The following MYOF variants were observed in gnomAD, a reference collection of about 807,000 sequenced individuals.
MYOF encodes fer-1-like 3, myoferlin.
A neutral mutation model predicts 284.2 loss-of-function variants in MYOF; 244 were observed. The ratio of observed to expected loss-of-function variants is 0.86; its 90% confidence interval spans 0.77 to 0.95. The LOEUF is 0.95. MYOF is among the 40% of genes least tolerant of loss of function. The pLI is 0.00. For synonymous variants in MYOF, 904 were observed against 919.7 expected, an observed-to-expected ratio of 0.98 and a Z score of 0.31; for missense variants, 2,496 against 2,560.6, an observed-to-expected ratio of 0.97 and a Z score of 0.54.
intron 39 of MYOF, among the ~76,000 whole-genome samples, chr10:93,339,081 C>T (rs1389520789): frequency 1.4e-5 from 2 of 146,144 alleles, no homozygotes; most frequent in African/African-American, 5.1e-5. Context: ...GTCATGATCT[C>T]AGCTCACTGC....
Position 93,307,009 on chromosome 10 carries a change from G to A in MYOF, c.6148-8C>T. 1 of 1,610,330 alleles carries A rather than the reference G, an allele frequency of 6.2e-7. No homozygotes were observed. Among genetic ancestry groups the A allele is most frequent in the Middle Eastern group, 1.7e-4 (1 of 6,048 alleles). On this transcript the variant is annotated splice_polypyrimidine_tract_variant and splice_region_variant and intron_variant, in intron 53 of 53. Transcript: ENST00000359263. Reference sequence around the variant, plus strand: ...CTTCATTGACAAATAGTTCTGGAAAGGAAACAAAAACAGTGGTAAAAAAAC... The same window carrying A: ...CTTCATTGACAAATAGTTCTGGAAAAGAAACAAAAACAGTGGTAAAAAAAC...
intron 37 of MYOF, among the ~76,000 whole-genome samples, chr10:93,345,584 C>T (rs1028218239): frequency 1.3e-5 from 2 of 152,220 alleles, no homozygotes; most frequent in Non-Finnish European, 2.9e-5. Flanking sequence ...CCCTGCAGAT[C>T]CTGACAAGTC....
chr10:93,327,749 A>G lies in MYOF; in HGVS notation c.5131+1014T>C, dbSNP rs557337038. On this transcript the variant is annotated intron_variant, in intron 45 of 53. Coordinates refer to ENST00000359263, the MANE Select transcript of MYOF (RefSeq NM_013451.4). ...CCTCTTTAAAATGGAAAGACAAAAC[A>G]TAAGTTTTTTTGTTTGTTTGTTTTT... Among the ~76,000 whole-genome samples, 14 of 152,088 alleles carry G rather than the reference A, an allele frequency of 9.2e-5. 1 individual carries two copies. Among genetic ancestry groups the G allele is most frequent in the African/African-American group, 2.2e-4 (9 of 41,410 alleles).
At chr10:93,358,300 C>T (rs1844905872) in intron 29 of MYOF, among the ~76,000 whole-genome samples, 2 of 152,282 alleles carry the variant, frequency 1.3e-5, no homozygotes, top group Middle Eastern at 6.8e-3. Flanking sequence ...CAAGAAACAA[C>T]AGATGATGGT....
chr10:93,453,697 T>C (rs1395824892), intron 2 of MYOF, among the ~76,000 whole-genome samples: 3 of 151,970 alleles, frequency 2.0e-5, no homozygotes, highest in Middle Eastern at 3.4e-3. Flanking sequence ...AAGACCAGCC[T>C]GGACAACTTA....
rs142364646 is a variant in MYOF, at chr10:93,371,832, T to C, written c.2457+1098A>G. Among the ~76,000 whole-genome samples, 66 of 152,274 alleles carry C rather than the reference T, an allele frequency of 4.3e-4. 1 individual carries two copies. Among genetic ancestry groups the C allele is most frequent in the African/African-American group, 1.5e-3 (62 of 41,546 alleles). On this transcript the variant is annotated intron_variant, in intron 24 of 53. Coordinates refer to ENST00000359263, the MANE Select transcript of MYOF (RefSeq NM_013451.4). ...TGAGTATTAACAAAATCAATAAATATACAAAACATTCTCTTAAAAGCATTT... is the reference window on the plus strand; with the variant it reads ...TGAGTATTAACAAAATCAATAAATACACAAAACATTCTCTTAAAAGCATTT...
At chr10:93,349,733 T>TTG (rs536124742) in intron 36 of MYOF, 75 bp downstream of exon 36, 872 of 1,438,518 alleles carry the variant, frequency 6.1e-4, no homozygotes, top group African/African-American at 1.6e-3. Context: ...AACTCTGTGT[T>TTG]TGTGTGTGTG....
chr10:93,357,752 A>T (rs1844874894), intron 29 of MYOF, among the ~76,000 whole-genome samples: 1 of 152,228 alleles, frequency 6.6e-6, no homozygotes, highest in South Asian at 2.1e-4. Context: ...GAAAAATTTC[A>T]CATAGCCAAG....
At chr10:93,401,334 G>T in intron 12 of MYOF, 84 bp downstream of exon 12, 1 of 1,543,432 alleles carries the variant, frequency 6.5e-7, no homozygotes, top group South Asian at 1.2e-5. Flanking sequence ...ATAGGGACAC[G>T]AATCACTATT....
At chr10:93,401,009 T>G (rs111750144) in intron 12 of MYOF, among the ~76,000 whole-genome samples, 10 of 152,164 alleles carry the variant, frequency 6.6e-5, no homozygotes, top group Admixed American at 2.6e-4. Context: ...CCCGCCACCA[T>G]GCCCAGCTAA....
intron 5 of MYOF, among the ~76,000 whole-genome samples, chr10:93,416,237 G>T (rs867226045): frequency 6.6e-6 from 1 of 152,220 alleles, no homozygotes; most frequent in Non-Finnish European, 1.5e-5. Flanking sequence ...AACTTCTCTC[G>T]GCCGGGCGTC....
intron 38 of MYOF, among the ~76,000 whole-genome samples, chr10:93,340,568 A>T (rs565336996): frequency 6.2e-4 from 94 of 152,262 alleles, no homozygotes; most frequent in African/African-American, 2.0e-3. Context: ...AGTTCCTTAA[A>T]TATATCTCCG....
intron 38 of MYOF, among the ~76,000 whole-genome samples, chr10:93,343,550 AT>A (rs1844031342): frequency 6.6e-6 from 1 of 152,194 alleles, no homozygotes; most frequent in Non-Finnish European, 1.5e-5. Context: ...ATTTGAGGAG[AT>A]TTAAAAACAT....
In MYOF at chr10:93,335,970, C is replaced by T. The variant is rs374181707; in HGVS notation, c.4514G>A (p.Arg1505Gln). 6.9e-5 allele frequency: 111 copies of T among 1,614,180 alleles called. No homozygotes were observed. Among genetic ancestry groups the T allele is most frequent in the Non-Finnish European group, 9.3e-5 (110 of 1,180,034 alleles). The change falls in exon 41 of 54, where the codon CGA becomes CAA. Residue 1505 changes from arginine (R) to glutamine (Q), a missense_variant. Arg to Gln is a conservative substitution (Grantham distance 43). Coordinates refer to ENST00000359263, the MANE Select transcript of MYOF (RefSeq NM_013451.4). ...TDFSDTFKLY[R>Q]GKSDENEDPS... ...ATCTTCATTTTCATCCGACTTGCCT[C>T]GGTACAACTTGAACGTATCTGAGAA...
intron 14 of MYOF, 37 bp downstream of exon 14, chr10:93,397,351 G>A: frequency 6.3e-7 from 1 of 1,594,114 alleles, no homozygotes. Flanking sequence ...TATTAAGTAA[G>A]TATTCTTACT....
Position 93,356,659 on chromosome 10 carries a change from G to A in MYOF, c.3294+16C>T. 6.2e-7 allele frequency: 1 copy of A among 1,607,714 alleles called. No individual in the cohort carries two copies. The highest frequency in any genetic ancestry group is 8.5e-7 in the Non-Finnish European group (1 of 1,177,626). ...CTACACCAATATGATCTGCGCTCTG[G>A]CAACCTAGTACTTACAAGGGCACCT... is the stretch of plus-strand genomic sequence containing the variant. On this transcript the variant is annotated intron_variant, in intron 30 of 53. Coordinates refer to ENST00000359263, the MANE Select transcript of MYOF (RefSeq NM_013451.4).
intron 39 of MYOF, 66 bp downstream of exon 39, chr10:93,340,086 AG>A: frequency 1.4e-6 from 2 of 1,460,472 alleles, no homozygotes; most frequent in Non-Finnish European, 1.9e-6. Flanking sequence ...TCTCAAAAAA[AG>A]AAAAGAAAAA....
intron 48 of MYOF, 23 bp from the exon 49 acceptor site, chr10:93,320,036 CTTAGCTTCACGTGA>C (rs767470444): frequency 1.2e-6 from 2 of 1,613,298 alleles, no homozygotes; most frequent in Non-Finnish European, 1.7e-6. Flanking sequence ...GGCAAACAGA[CTTAGCTTCACGTGA>C]TTGACAAGTC....
chr10:93,435,909 T>A (rs1043611993), intron 3 of MYOF, among the ~76,000 whole-genome samples: 3 of 150,770 alleles, frequency 2.0e-5, no homozygotes, highest in African/African-American at 7.3e-5. Flanking sequence ...GTCTCAAAAA[T>A]AATAATAATA....
Sources: gnomAD v4.1 joint callset for allele counts (sites outside exome capture counted in the v4.1 genomes callset) on GRCh38, gnomAD v4.1.1 for gene constraint, MANE v1.5 for transcripts, NCBI Gene and HGNC (gene_info 2026-07-23, HGNC 2026-07-21) for gene names.